SMAD4: variants seen among roughly 807,000 people sequenced by gnomAD.
SMAD4 encodes SMAD family member 4.
Under a neutral mutation model 63.2 loss-of-function variants are expected in SMAD4, and 7 were observed. The ratio of observed to expected loss-of-function variants is 0.11; its 90% CI spans 0.06 to 0.21. SMAD4 has a LOEUF of 0.21. Ranked by LOEUF, SMAD4 falls within the 10% of genes least tolerant of loss-of-function variation. The pLI, the probability that SMAD4 is intolerant of heterozygous loss-of-function variation, is 1.00. For synonymous variants in SMAD4, 215 were observed against 235.4 expected (o/e 0.91, Z 0.79); for missense variants, 312 against 693.8 (o/e 0.45, Z 6.18).
intron 1 of SMAD4, among the ~76,000 whole-genome samples, chr18:51,042,243 C>T (rs952722052): frequency 6.6e-6 from 1 of 151,528 alleles, no homozygotes; most frequent in Non-Finnish European, 1.5e-5. Flanking sequence ...ATTCACTTTG[C>T]CAGGAGTTAA....
chr18:51,067,228 C>A (rs1295446828), intron 10 of SMAD4, 41 bp downstream of exon 10: 2 of 1,127,290 alleles, frequency 1.8e-6, no homozygotes, highest in Non-Finnish European at 2.7e-6. Context: ...ACTTAAAGCT[C>A]TATTTGTTGT....
chr18:51,040,491 C>G (rs1264411666), intron 1 of SMAD4, among the ~76,000 whole-genome samples: 6 of 151,854 alleles, frequency 4.0e-5, no homozygotes, highest in Non-Finnish European at 5.9e-5. Flanking sequence ...GATCACTGAT[C>G]AAAACACTTA....
rs994141218 is a variant in SMAD4 at position 51,062,900 on chromosome 18, C to G, written c.956-2523C>G. On this transcript the variant is annotated intron_variant, in intron 8 of 11. Transcript: ENST00000342988. The stretch of plus-strand genomic sequence containing the variant: ...TGAGACGGAGTCTCGCTCTGTCACC[C>G]AGGCTGGAGTGCAGTGGCGCGACTT... Among the ~76,000 whole-genome samples the G allele has an allele frequency of 6.2e-5, 8 of 128,758 alleles. No individual in the cohort carries two copies. In the East Asian group the frequency reaches 1.8e-3, roughly 30 times the overall value. The allele number at this position is 128,758 out of a possible 152,430, so 84.5% of individuals were successfully genotyped here.
chr18:51,033,346 C>T (rs1300008546), intron 1 of SMAD4, among the ~76,000 whole-genome samples: 5 of 152,150 alleles, frequency 3.3e-5, no homozygotes, highest in Non-Finnish European at 5.9e-5. Context: ...TGTGCCACCA[C>T]GCTTGGCTAA....
At chr18:51,060,912 TA>T (rs1263552787) in intron 8 of SMAD4, among the ~76,000 whole-genome samples, 1 of 151,972 alleles carries the variant, frequency 6.6e-6, no homozygotes, top group Non-Finnish European at 1.5e-5. Context: ...TTTATTTATT[TA>T]TTTTTTTCCG....
intron 4 of SMAD4, chr18:51,054,436 G>A (rs2144416963): frequency 3.6e-6 from 1 of 280,756 alleles, no homozygotes; most frequent in Non-Finnish European, 6.9e-6. Context: ...CAGCCATTCG[G>A]TTTTTGCCTG....
chr18:51,036,043 C>T (rs987339458), intron 1 of SMAD4, among the ~76,000 whole-genome samples: 4 of 152,088 alleles, frequency 2.6e-5, no homozygotes, highest in African/African-American at 9.7e-5. Flanking sequence ...GTAACATCAT[C>T]ATAGCCCTCT....
intron 5 of SMAD4, among the ~76,000 whole-genome samples, 170 bp from the exon 6 acceptor site, chr18:51,057,955 C>T (rs1909884507): frequency 6.6e-6 from 1 of 152,142 alleles, no homozygotes; most frequent in Admixed American, 6.5e-5. Context: ...TTAAAGTTTG[C>T]CTTTATAGAT....
chr18:51,042,849 A>C (rs143318826), intron 1 of SMAD4, among the ~76,000 whole-genome samples: 3 of 152,164 alleles, frequency 2.0e-5, no homozygotes, highest in African/African-American at 7.2e-5. Context: ...TCTTAGTTCA[A>C]GTTGTTTAAG....
intron 1 of SMAD4, among the ~76,000 whole-genome samples, chr18:51,038,758 A>G (rs773790616): frequency 1.3e-5 from 2 of 152,212 alleles, no homozygotes; most frequent in Non-Finnish European, 2.9e-5. Flanking sequence ...GTTTATATTA[A>G]CGTAATGGGT....
At chr18:51,052,605 A>G (rs1458808140) in intron 4 of SMAD4, 4 of 286,198 alleles carry the variant, frequency 1.4e-5, no homozygotes, top group Non-Finnish European at 2.8e-5. Flanking sequence ...TATATACTAT[A>G]TGTTTTTTTA....
intron 4 of SMAD4, chr18:51,052,759 C>A: frequency 5.0e-6 from 1 of 199,946 alleles, no homozygotes; most frequent in Non-Finnish European, 1.1e-5. Context: ...GTGTTTCCTT[C>A]CAGGGTTTCT....
chr18:51,076,489 A>T, intron 10 of SMAD4, 149 bp from the exon 11 acceptor site: 1 of 689,652 alleles, frequency 1.5e-6, no homozygotes, highest in South Asian at 1.9e-5. Flanking sequence ...TAGACCAATC[A>T]CAATGTACAT....
chr18:51,071,268 A>T (rs924021659), intron 10 of SMAD4, among the ~76,000 whole-genome samples: 1 of 150,946 alleles, frequency 6.6e-6, no homozygotes. Flanking sequence ...ATGCACATAC[A>T]CACACACACA....
At chr18:51,056,738 T>C (rs1909857281) in intron 5 of SMAD4, among the ~76,000 whole-genome samples, 1 of 152,076 alleles carries the variant, frequency 6.6e-6, no homozygotes, top group African/African-American at 2.4e-5. Flanking sequence ...GCTGATTTAG[T>C]CGTATTGTTT....
intron 10 of SMAD4, among the ~76,000 whole-genome samples, chr18:51,074,123 C>T (rs1910408927): frequency 6.6e-6 from 1 of 151,416 alleles, no homozygotes; most frequent in African/African-American, 2.4e-5. Flanking sequence ...CCTATAATCC[C>T]AGCACTTCGG....
rs117057280 is a variant in SMAD4, at chr18:51,071,425, C to T, written c.1308+4238C>T. On this transcript the variant is annotated intron_variant, in intron 10 of 11. Transcript: ENST00000342988. ...TAAGTTGACTTTTTTTCCTGCTTCT[C>T]TCATGACATAGTAGTCATTTTTTAC... Among the ~76,000 whole-genome samples, 355 of 152,222 alleles carry T rather than the reference C, an allele frequency of 2.3e-3. 12 individuals are homozygous for T. The East Asian group carries it at 0.058, about 25-fold the overall frequency.
At chr18:51,072,310 T>C (rs538741609) in intron 10 of SMAD4, among the ~76,000 whole-genome samples, 55 of 152,346 alleles carry the variant, frequency 3.6e-4, no homozygotes, top group African/African-American at 1.2e-3. Context: ...TATAATCTTA[T>C]TGTGGTAGTT....
chr18:51,033,176 A>G (rs1909100440), intron 1 of SMAD4, among the ~76,000 whole-genome samples: 1 of 149,638 alleles, frequency 6.7e-6, no homozygotes. Context: ...TTACACCAGC[A>G]TAACACAGCA....
Sources: allele counts gnomAD v4.1 joint callset (sites outside exome capture counted in the v4.1 genomes callset), GRCh38; gene constraint gnomAD v4.1.1; transcripts MANE v1.5; gene names NCBI Gene and HGNC (gene_info 2026-07-23, HGNC 2026-07-21).